Variants in CNTN3 observed in about 807,000 individuals in gnomAD.
The protein encoded by CNTN3 is contactin-3.
In CNTN3, 60 loss-of-function variants were observed where a neutral mutation model predicts 119.1. The ratio of observed to expected loss-of-function variants is 0.50; its 90% confidence interval spans 0.41 to 0.62. CNTN3 has a LOEUF of 0.62. Ranked by LOEUF, CNTN3 falls within the 20% of genes least tolerant of loss-of-function variation. CNTN3 has a pLI of 0.00. For missense variants in CNTN3, 1,101 were observed against 1,242.4 expected, an observed-to-expected ratio of 0.89 and a Z score of 1.71; for synonymous variants, 450 against 438.7, an observed-to-expected ratio of 1.03 and a Z score of -0.32.
chr3:74,547,379 T>C (rs1030623042), intron 1 of CNTN3, among the ~76,000 whole-genome samples: 19 of 152,144 alleles, frequency 1.2e-4, no homozygotes, highest in African/African-American at 4.3e-4. Context: ...GTAACACACA[T>C]ACACACACAT....
chr3:74,450,193 T>C (rs923724894), intron 4 of CNTN3, among the ~76,000 whole-genome samples: 5 of 152,232 alleles, frequency 3.3e-5, no homozygotes, highest in Non-Finnish European at 7.4e-5. Flanking sequence ...ATTGTAAATA[T>C]TTGAAACATT....
At chr3:74,472,991 C>T (rs1039592613) in intron 4 of CNTN3, among the ~76,000 whole-genome samples, 1 of 151,916 alleles carries the variant, frequency 6.6e-6, no homozygotes, top group Non-Finnish European at 1.5e-5. Flanking sequence ...AAACTGTTTG[C>T]ATTTGTTTAA....
At chr3:74,587,189 G>C (rs1290297231) in intron 1 of CNTN3, among the ~76,000 whole-genome samples, 1 of 152,048 alleles carries the variant, frequency 6.6e-6, no homozygotes, top group Non-Finnish European at 1.5e-5. Context: ...GGCAGAAGGA[G>C]GCAGGCAGTT....
chr3:74,294,449 T>C (rs1017846492), intron 19 of CNTN3, among the ~76,000 whole-genome samples: 1 of 152,190 alleles, frequency 6.6e-6, no homozygotes, highest in African/African-American at 2.4e-5. Flanking sequence ...TGCTTTTCTA[T>C]CATGCCTTGC....
chr3:74,315,450 G>C (rs1702806508), intron 13 of CNTN3, among the ~76,000 whole-genome samples: 1 of 152,050 alleles, frequency 6.6e-6, no homozygotes, highest in African/African-American at 2.4e-5. Flanking sequence ...TTGGGGTCTG[G>C]ATTGGGATTC....
At position 74,484,237 on chromosome 3, in the gene CNTN3, T is replaced by C. The variant is rs77784486; in HGVS notation, c.358+2219A>G. ...GACTGAGTTTAGACAAGATTTGTTT[T>C]AGAACCTATTGAACATACTTAAGCA... On this transcript the variant is annotated intron_variant, in intron 4 of 22. Coordinates refer to ENST00000263665, the MANE Select transcript of CNTN3 (RefSeq NM_020872.3). Among the ~76,000 whole-genome samples the C allele has an allele frequency of 8.0e-3, 1,222 of 152,240 alleles. 15 individuals are homozygous for C. Among genetic ancestry groups the C allele is most frequent in the African/African-American group, 0.027 (1,124 of 41,536 alleles).
At chr3:74,539,622 T>C (rs996874133) in intron 1 of CNTN3, among the ~76,000 whole-genome samples, 3 of 152,078 alleles carry the variant, frequency 2.0e-5, no homozygotes, top group Non-Finnish European at 4.4e-5. Context: ...ATCCAGGCAG[T>C]CCCTACATAG....
intron 5 of CNTN3, among the ~76,000 whole-genome samples, chr3:74,418,497 A>G (rs1268123769): frequency 6.6e-6 from 1 of 151,258 alleles, no homozygotes; most frequent in African/African-American, 2.4e-5. Flanking sequence ...ACCTGCCACC[A>G]TGCCCAGCTA....
At chr3:74,450,541 T>A (rs1702131101) in intron 4 of CNTN3, among the ~76,000 whole-genome samples, 1 of 151,742 alleles carries the variant, frequency 6.6e-6, no homozygotes, top group Admixed American at 6.6e-5. Context: ...CTTTAAGTTT[T>A]AGGGTACATG....
chr3:74,610,081 G>A lies in CNTN3; in HGVS notation c.-81+4310C>T, dbSNP rs76141602. 6.8e-4 allele frequency among the ~76,000 whole-genome samples: 103 copies of A among 152,226 alleles called. No individual in the cohort carries two copies. In the East Asian group the frequency reaches 0.017, roughly 25 times the overall value. ...CTCACACCTATAATCTCAGCACTTTGGGAGGTCGAGGTGGGCAGATCGTTT... is the reference window on the plus strand; with the variant it reads ...CTCACACCTATAATCTCAGCACTTTAGGAGGTCGAGGTGGGCAGATCGTTT... On this transcript the variant is annotated intron_variant, in intron 1 of 22. Transcript: ENST00000263665.
chr3:74,445,994 T>C (rs540775072), intron 4 of CNTN3, among the ~76,000 whole-genome samples: 7 of 152,268 alleles, frequency 4.6e-5, no homozygotes, highest in South Asian at 4.1e-4. Flanking sequence ...CCATACATGA[T>C]AGCACTGTTT....
chr3:74,467,771 T>C (rs919394895), intron 4 of CNTN3, among the ~76,000 whole-genome samples: 2 of 152,152 alleles, frequency 1.3e-5, no homozygotes. Flanking sequence ...TGTTCTGCTA[T>C]AGACAAGAAA....
intron 1 of CNTN3, among the ~76,000 whole-genome samples, chr3:74,564,978 T>C (rs1489954099): frequency 6.6e-6 from 1 of 152,172 alleles, no homozygotes; most frequent in East Asian, 1.9e-4. Flanking sequence ...AAGTGAGCCA[T>C]GGATCTAGGT....
At chr3:74,278,821 A>G (rs532370215) in intron 20 of CNTN3, among the ~76,000 whole-genome samples, 2 of 152,330 alleles carry the variant, frequency 1.3e-5, no homozygotes, top group African/African-American at 4.8e-5. Flanking sequence ...TAAACAGACA[A>G]CCTAAAGAGT....
At chr3:74,417,873 T>C (rs1315765049) in intron 5 of CNTN3, among the ~76,000 whole-genome samples, 3 of 152,218 alleles carry the variant, frequency 2.0e-5, no homozygotes, top group South Asian at 2.1e-4. Flanking sequence ...ATTCAAAAAA[T>C]AGTTTACAAT....
At chr3:74,422,708 G>A (rs1399933777) in intron 5 of CNTN3, among the ~76,000 whole-genome samples, 1 of 152,082 alleles carries the variant, frequency 6.6e-6, no homozygotes, top group Non-Finnish European at 1.5e-5. Context: ...CTATAAAACT[G>A]ATCACAACCA....
intron 4 of CNTN3, among the ~76,000 whole-genome samples, chr3:74,478,639 C>T (rs1283596968): frequency 2.6e-5 from 4 of 152,048 alleles, no homozygotes; most frequent in East Asian, 1.9e-4. Context: ...GTGAGATGAG[C>T]GACACCATAG....
At chr3:74,445,715 G>C (rs1575732283) in intron 4 of CNTN3, among the ~76,000 whole-genome samples, 1 of 152,288 alleles carries the variant, frequency 6.6e-6, no homozygotes, top group Non-Finnish European at 1.5e-5. Flanking sequence ...AATGAAGAAT[G>C]CTAGTAGAAA....
intron 3 of CNTN3, among the ~76,000 whole-genome samples, chr3:74,498,009 T>C (rs1169740131): frequency 6.6e-6 from 1 of 151,860 alleles, no homozygotes; most frequent in Non-Finnish European, 1.5e-5. Context: ...AATCTATTCA[T>C]TTAGAAATAC....
Sources: allele counts gnomAD v4.1 joint callset (sites outside exome capture counted in the v4.1 genomes callset), GRCh38; gene constraint gnomAD v4.1.1; transcripts MANE v1.5; gene names NCBI Gene and HGNC (gene_info 2026-07-23, HGNC 2026-07-21).